The following TBC1D5 variants were observed in gnomAD, a reference collection of about 807,000 sequenced individuals.
The protein encoded by TBC1D5 is TBC1 domain family member 5, also known as TBC1 domain family, member 5.
Under a neutral mutation model 100.3 loss-of-function variants are expected in TBC1D5, and 75 were observed. The ratio of observed to expected loss-of-function variants is 0.75; its 90% CI spans 0.62 to 0.91. TBC1D5 has a LOEUF of 0.91. Ranked by LOEUF, TBC1D5 falls within the 40% of genes least tolerant of loss-of-function variation. The probability of loss-of-function intolerance (pLI) is 0.00; values close to 1 mark genes in which losing one functional copy is unlikely to be tolerated. For missense variants in TBC1D5, 910 were observed against 942.4 expected, an observed-to-expected ratio of 0.97 and a Z score of 0.45; for synonymous variants, 323 against 325.6, an observed-to-expected ratio of 0.99 and a Z score of 0.09.
At chr3:17,304,255 TG>T (rs2083169311) in intron 14 of TBC1D5, among the ~76,000 whole-genome samples, 1 of 152,106 alleles carries the variant, frequency 6.6e-6, no homozygotes, top group Admixed American at 6.5e-5. Context: ...TACTATGCCC[TG>T]GGCCCAATTC....
At chr3:17,497,735 T>C (rs1360219008) in intron 3 of TBC1D5, among the ~76,000 whole-genome samples, 1 of 152,140 alleles carries the variant, frequency 6.6e-6, no homozygotes, top group Non-Finnish European at 1.5e-5. Context: ...GAAGAAAGAA[T>C]AGGAGAAGGA....
At chr3:17,348,008 C>CA (rs36029966) in intron 13 of TBC1D5, among the ~76,000 whole-genome samples, 77,138 of 151,906 alleles carry the variant, frequency 0.51, 21,301 homozygotes, top group African/African-American at 0.7. Flanking sequence ...GTCTCTACAA[C>CA]ATAAAAAGTC....
At chr3:17,197,338 G>A (rs1461930422) in intron 18 of TBC1D5, among the ~76,000 whole-genome samples, 1 of 151,508 alleles carries the variant, frequency 6.6e-6, no homozygotes, top group African/African-American at 2.4e-5. Context: ...GTTGTACCTC[G>A]ATCCAATTTT....
intron 2 of TBC1D5, among the ~76,000 whole-genome samples, chr3:17,618,087 G>A (rs889791410): frequency 6.6e-6 from 1 of 152,186 alleles, no homozygotes; most frequent in African/African-American, 2.4e-5. Flanking sequence ...GGGTTTTGGT[G>A]TAGATGTCCT....
chr3:17,265,155 A>C (rs1488745460), intron 15 of TBC1D5, among the ~76,000 whole-genome samples: 1 of 152,186 alleles, frequency 6.6e-6, no homozygotes, highest in African/African-American at 2.4e-5. Flanking sequence ...AGCATATGAG[A>C]ATATAATAAT....
chr3:17,534,659 A>G (rs2096266123), intron 2 of TBC1D5, among the ~76,000 whole-genome samples: 1 of 152,204 alleles, frequency 6.6e-6, no homozygotes, highest in Non-Finnish European at 1.5e-5. Flanking sequence ...TGTCGGTGTT[A>G]CAAGTGTAAG....
chr3:17,526,214 C>A (rs541667051), intron 2 of TBC1D5, among the ~76,000 whole-genome samples: 1 of 151,620 alleles, frequency 6.6e-6, no homozygotes, highest in Admixed American at 6.6e-5. Context: ...TCAATTTATT[C>A]ATTTATTTAT....
At position 17,469,375 on chromosome 3, in the gene TBC1D5, G is replaced by A. The variant is rs555623553; in HGVS notation, c.97+39099C>T. ...TACATCATTTTACAATGTAAAAACA[G>A]AGATTTCCCAAAGATTCTTACTCTG... is the stretch of plus-strand genomic sequence containing the variant. On this transcript the variant is annotated intron_variant, in intron 3 of 21. Coordinates refer to ENST00000253692, the Ensembl canonical transcript of TBC1D5. 4.6e-5 allele frequency among the ~76,000 whole-genome samples: 7 copies of A among 152,144 alleles called. 1 individual carries two copies. In the South Asian group the frequency reaches 1.0e-3, roughly 23 times the overall value.
chr3:17,609,756 T>C (rs2061552279), intron 2 of TBC1D5, among the ~76,000 whole-genome samples: 2 of 152,146 alleles, frequency 1.3e-5, no homozygotes, highest in Non-Finnish European at 2.9e-5. Flanking sequence ...AAGAGACACG[T>C]TGCCAGTTGC....
chr3:17,466,395 T>C (rs1443008590), intron 3 of TBC1D5, among the ~76,000 whole-genome samples: 1 of 152,190 alleles, frequency 6.6e-6, no homozygotes, highest in Middle Eastern at 3.4e-3. Flanking sequence ...ACATAAAGGG[T>C]ATCTATACAA....
intron 4 of TBC1D5, among the ~76,000 whole-genome samples, chr3:17,417,315 A>G (rs1358977261): frequency 6.6e-6 from 1 of 150,942 alleles, no homozygotes; most frequent in East Asian, 2.0e-4. Flanking sequence ...AGCATTAGGT[A>G]TATCTCCTAA....
At chr3:17,249,810 G>A (rs2077038452) in intron 16 of TBC1D5, among the ~76,000 whole-genome samples, 1 of 152,228 alleles carries the variant, frequency 6.6e-6, no homozygotes, top group Non-Finnish European at 1.5e-5. Flanking sequence ...GAACCAGTTG[G>A]TGGAGCAGTC....
intron 16 of TBC1D5, among the ~76,000 whole-genome samples, chr3:17,244,731 T>C (rs1350148494): frequency 6.6e-6 from 1 of 152,204 alleles, no homozygotes; most frequent in Non-Finnish European, 1.5e-5. Context: ...TCTGTCATTA[T>C]TGATCTGCTG....
At chr3:17,653,460 A>G (rs1342384621) in intron 1 of TBC1D5, among the ~76,000 whole-genome samples, 1 of 152,124 alleles carries the variant, frequency 6.6e-6, no homozygotes, top group African/African-American at 2.4e-5. Flanking sequence ...ATGAGAAAAT[A>G]CCAGACAAGG....
At chr3:17,485,482 C>G (rs1217267089) in intron 3 of TBC1D5, among the ~76,000 whole-genome samples, 2 of 136,626 alleles carry the variant, frequency 1.5e-5, no homozygotes, top group Admixed American at 1.5e-4. Context: ...TATCCCTCCC[C>G]CATCCCCCCT....
At chr3:17,262,487 T>TG (rs982522612) in intron 15 of TBC1D5, among the ~76,000 whole-genome samples, 1 of 150,084 alleles carries the variant, frequency 6.7e-6, no homozygotes, top group Non-Finnish European at 1.5e-5. Context: ...TGTTTTTTTT[T>TG]TTTTTTTTTT....
At position 17,376,565 on chromosome 3, in the gene TBC1D5, G is replaced by A. The variant is rs781599889; in HGVS notation, c.661C>T (p.His221Tyr). 1.3e-5 allele frequency: 21 copies of A among 1,613,078 alleles called. No homozygotes were observed. In the South Asian group the frequency reaches 2.1e-4, roughly 16 times the overall value. Residue 221 changes from histidine (H) to tyrosine (Y), a missense_variant, in exon 10 of 22, where the codon CAC (histidine) becomes TAC (tyrosine). His to Tyr is a moderately conservative substitution (Grantham distance 83). Transcript: ENST00000253692. Reference sequence around the variant, plus strand: ...TCACTGGCATGTAGAAAAGCTTGGTGGTCACAGTGAAGGACAAAGACTATA... The same window carrying A: ...TCACTGGCATGTAGAAAAGCTTGGTAGTCACAGTGAAGGACAAAGACTATA...
At chr3:17,358,168 C>CG (rs1553703634) in intron 13 of TBC1D5, among the ~76,000 whole-genome samples, 1 of 150,950 alleles carries the variant, frequency 6.6e-6, no homozygotes, top group Non-Finnish European at 1.5e-5. Flanking sequence ...ACAATGTTCA[C>CG]TTTTTTTTTG....
chr3:17,499,189 T>C (rs1249082511), intron 3 of TBC1D5, among the ~76,000 whole-genome samples: 1 of 152,202 alleles, frequency 6.6e-6, no homozygotes, highest in African/African-American at 2.4e-5. Context: ...AGTATATAGT[T>C]TTTTTAAATG....
Sources: gnomAD v4.1 joint callset for allele counts (sites outside exome capture counted in the v4.1 genomes callset) on GRCh38, gnomAD v4.1.1 for gene constraint, MANE v1.5 for transcripts, NCBI Gene and HGNC (gene_info 2026-07-23, HGNC 2026-07-21) for gene names.